TRPM6: variants seen among roughly 807,000 people sequenced by gnomAD.
TRPM6 encodes transient receptor potential cation channel subfamily M member 6.
A neutral mutation model predicts 247.6 loss-of-function variants in TRPM6; 111 were observed. The observed-to-expected ratio is 0.45, with a 90% CI of 0.38 to 0.52. TRPM6 has a LOEUF of 0.52. Among genes scored for constraint, TRPM6 ranks in the 20% least tolerant of loss-of-function variants. TRPM6 has a pLI of 0.00. For synonymous variants in TRPM6, 892 were observed against 853.8 expected (o/e 1.04, Z -0.78); for missense variants, 2,126 against 2,421.5 (o/e 0.88, Z 2.56).
intron 23 of TRPM6, among the ~76,000 whole-genome samples, chr9:74,777,677 C>G (rs1162495916): frequency 1.3e-5 from 2 of 152,158 alleles, no homozygotes; most frequent in Non-Finnish European, 2.9e-5. Context: ...TCCATAGGCT[C>G]CCAGCTCTAA....
intron 33 of TRPM6, among the ~76,000 whole-genome samples, chr9:74,741,257 A>G (rs962259101): frequency 2.0e-5 from 3 of 151,966 alleles, no homozygotes; most frequent in African/African-American, 7.3e-5. Context: ...GAGCAACATA[A>G]TCTATATACA....
chr9:74,828,039 G>A, intron 6 of TRPM6, 90 bp from the exon 7 acceptor site: 1 of 1,366,390 alleles, frequency 7.3e-7, no homozygotes, highest in South Asian at 1.3e-5. Context: ...TGTGCTAAAA[G>A]AGTTCCTGTC....
intron 13 of TRPM6, 35 bp from the exon 14 acceptor site, chr9:74,808,209 A>C (rs1445404560): frequency 2.5e-6 from 4 of 1,613,328 alleles, no homozygotes; most frequent in Non-Finnish European, 3.4e-6. Context: ...TTTAACTTTT[A>C]GTTATCTTCT....
intron 9 of TRPM6, 69 bp downstream of exon 9, chr9:74,820,235 A>G: frequency 6.4e-7 from 1 of 1,550,804 alleles, no homozygotes; most frequent in Admixed American, 1.7e-5. Flanking sequence ...TAATTGTGAA[A>G]ATAAATATTA....
At chr9:74,770,997 C>A (rs1010974992) in intron 25 of TRPM6, among the ~76,000 whole-genome samples, 12 of 152,182 alleles carry the variant, frequency 7.9e-5, no homozygotes, top group Non-Finnish European at 1.2e-4. Flanking sequence ...CACTGCACAA[C>A]AACCGCCGGT....
chr9:74,876,392 AT>A (rs1831192392), intron 1 of TRPM6, among the ~76,000 whole-genome samples: 2 of 152,156 alleles, frequency 1.3e-5, no homozygotes, highest in South Asian at 4.1e-4. Flanking sequence ...CAGGGTAACA[AT>A]TTATTCAGCA....
In TRPM6 at chr9:74,738,452, T is replaced by A; in HGVS notation, c.5731A>T (p.Thr1911Ser). ...EELMLAFSHWTYEYTRGELLV... is the reference protein window; with the variant it reads ...EELMLAFSHWSYEYTRGELLV... ...AGCTCTCCCCGAGTGTACTCATAGG[T>A]CCAGTGAGAGAAAGCCAACATCAGC... Residue 1911 changes from threonine to serine, a missense_variant, in exon 36 of 39, where the codon ACC becomes TCC. Coordinates refer to ENST00000360774, the MANE Select transcript of TRPM6 (RefSeq NM_017662.5). 6.2e-7 allele frequency: 1 copy of A among 1,614,058 alleles called. No individual in the cohort carries two copies. Among genetic ancestry groups the A allele is most frequent in the Non-Finnish European group, 8.5e-7 (1 of 1,179,966 alleles).
chr9:74,732,007 C>A (rs943146617), intron 37 of TRPM6, among the ~76,000 whole-genome samples: 1 of 151,998 alleles, frequency 6.6e-6, no homozygotes, highest in East Asian at 1.9e-4. Context: ...AGTGTTTAAC[C>A]CTCACTATCA....
chr9:74,875,125 C>T (rs1289972661), intron 1 of TRPM6: 4 of 380,678 alleles, frequency 1.1e-5, no homozygotes, highest in African/African-American at 2.1e-5. Context: ...AAACCCAGGC[C>T]ACTAAATAAG....
At chr9:74,788,319 T>C (rs1428968511) in intron 20 of TRPM6, among the ~76,000 whole-genome samples, 1 of 152,150 alleles carries the variant, frequency 6.6e-6, no homozygotes, top group Admixed American at 6.5e-5. Flanking sequence ...TTTAATACAA[T>C]TCTATGGCAT....
rs972622271 is a variant in TRPM6 at position 74,724,151 on chromosome 9, G to A, written c.*462C>T. ...CCTATGTTGTGGAAAAGACAGAGGA[G>A]GAAATCACATAACTTTTTATGAACA... On this transcript the variant is annotated 3_prime_UTR_variant, in exon 39 of 39. Transcript: ENST00000360774. 7 of 193,882 alleles carry A rather than the reference G, an allele frequency of 3.6e-5. No homozygotes were observed. Among genetic ancestry groups the A allele is most frequent in the African/African-American group, 7.1e-5 (3 of 42,498 alleles). 12.0% of individuals were successfully genotyped at this position (193,882 alleles called of 1,614,324 possible). A position where few individuals can be genotyped will look rare whatever the true frequency, so the allele number is the denominator to read the frequency against.
At position 74,774,484 on chromosome 9, in the gene TRPM6, GA is replaced by G. The variant is rs201366785; in HGVS notation, c.3403+1398del. Among the ~76,000 whole-genome samples the G allele has an allele frequency of 4.0e-5, 6 of 150,674 alleles. No homozygotes were observed. In the East Asian group the frequency reaches 5.8e-4, roughly 15 times the overall value. ...TGGTCAGGGAGCAGGGTATGAAAAA[GA>G]AAAAAAAATCTTCAAAGTGACTTAG... is the stretch of plus-strand genomic sequence containing the variant. On this transcript the variant is annotated intron_variant, in intron 24 of 38. Coordinates refer to ENST00000360774, the MANE Select transcript of TRPM6 (RefSeq NM_017662.5).
Position 74,761,333 on chromosome 9 carries a change from G to C in TRPM6, c.4785+363C>G, listed in dbSNP as rs138585430. ...ACAAATGTTCATAACAGCTTTTTTG[G>C]AATAGCCAAAAATTGAAAACAACCC... On this transcript the variant is annotated intron_variant, in intron 27 of 38. Transcript: ENST00000360774. Among the ~76,000 whole-genome samples the C allele has an allele frequency of 4.0e-3, 603 of 152,258 alleles. 3 individuals carry two copies. Among genetic ancestry groups the C allele is most frequent in the Middle Eastern group, 0.014 (4 of 294 alleles).
At chr9:74,873,520 C>A (rs995428505) in intron 1 of TRPM6, among the ~76,000 whole-genome samples, 3 of 152,144 alleles carry the variant, frequency 2.0e-5, no homozygotes, top group Non-Finnish European at 4.4e-5. Flanking sequence ...TATGATTGTC[C>A]AGAAGGGAAA....
Position 74,750,651 on chromosome 9 carries a change from T to A in TRPM6, c.5057+13A>T. The A allele has an allele frequency of 1.2e-6, 2 of 1,612,584 alleles. No homozygotes were observed. Among genetic ancestry groups the A allele is most frequent in the Non-Finnish European group, 1.7e-6 (2 of 1,178,660 alleles). On this transcript the variant is annotated intron_variant, in intron 30 of 38. Transcript: ENST00000360774. ...CCAAAGATTCTTAAACATAAACATT[T>A]AGAAATACTCACAGGGAGTTCCTAT... is the stretch of plus-strand genomic sequence containing the variant.
chr9:74,839,122 A>G (rs925851222), intron 5 of TRPM6, among the ~76,000 whole-genome samples: 7 of 151,806 alleles, frequency 4.6e-5, no homozygotes, highest in South Asian at 2.1e-4. Flanking sequence ...AAAAAAAAAA[A>G]AAAAAGAAAA....
chr9:74,784,178 G>T (rs1045409591), intron 21 of TRPM6, among the ~76,000 whole-genome samples: 4 of 151,178 alleles, frequency 2.6e-5, no homozygotes, highest in Admixed American at 6.6e-5. Flanking sequence ...CAGGAGAATC[G>T]CTTGAACGCA....
intron 1 of TRPM6, among the ~76,000 whole-genome samples, chr9:74,881,864 T>C (rs1482035775): frequency 6.6e-6 from 1 of 152,132 alleles, no homozygotes; most frequent in African/African-American, 2.4e-5. Flanking sequence ...ACATAGACCA[T>C]TGAACAAAAT....
intron 1 of TRPM6, among the ~76,000 whole-genome samples, chr9:74,861,955 C>A: frequency 6.6e-6 from 1 of 152,008 alleles, no homozygotes; most frequent in East Asian, 1.9e-4. Flanking sequence ...GTTGAATGAG[C>A]AACAAACATG....
Sources: allele counts gnomAD v4.1 joint callset (sites outside exome capture counted in the v4.1 genomes callset), GRCh38; gene constraint gnomAD v4.1.1; transcripts MANE v1.5; gene names NCBI Gene and HGNC (gene_info 2026-07-23, HGNC 2026-07-21).